Variants in GPC6 observed in about 807,000 individuals in gnomAD.
The protein encoded by GPC6 is glypican-6.
GPC6 carries 14 observed loss-of-function variants against 55.2 expected under a neutral mutation model. That is an observed-to-expected ratio of 0.25 (90% CI 0.17 to 0.40). The LOEUF (loss-of-function observed/expected upper bound fraction) is 0.40. Ranked by LOEUF, GPC6 falls within the 10% of genes least tolerant of loss-of-function variation. GPC6 has a pLI of 1.00. For missense variants in GPC6, 641 were observed against 708.5 expected (o/e 0.90, Z 1.08); for synonymous variants, 278 against 259.6 (o/e 1.07, Z -0.68).
intron 4 of GPC6, among the ~76,000 whole-genome samples, chr13:94,270,147 T>C (rs528764515): frequency 6.6e-6 from 1 of 152,356 alleles, no homozygotes; most frequent in South Asian, 2.1e-4. Flanking sequence ...ATGAGAATTC[T>C]ATACCTAAGT....
chr13:93,348,425 T>G (rs1302239576), intron 1 of GPC6, among the ~76,000 whole-genome samples: 2 of 152,234 alleles, frequency 1.3e-5, no homozygotes, highest in Admixed American at 1.3e-4. Flanking sequence ...ACATTGCATT[T>G]TTCAGTCTTT....
chr13:94,000,697 GTTA>G (rs1881757794), intron 3 of GPC6, among the ~76,000 whole-genome samples: 1 of 152,124 alleles, frequency 6.6e-6, no homozygotes, highest in African/African-American at 2.4e-5. Context: ...CATGAATTCA[GTTA>G]TTATAAAAAA....
At chr13:94,389,617 T>C (rs1880558797) in intron 7 of GPC6, among the ~76,000 whole-genome samples, 2 of 152,102 alleles carry the variant, frequency 1.3e-5, no homozygotes, top group African/African-American at 2.4e-5. Flanking sequence ...ACGCAGACCC[T>C]TTTTCCAAAC....
intron 2 of GPC6, among the ~76,000 whole-genome samples, chr13:93,785,507 G>A (rs532665476): frequency 1.9e-4 from 29 of 152,236 alleles, no homozygotes; most frequent in African/African-American, 6.7e-4. Context: ...CAGATGGTAC[G>A]TAGATCACGA....
chr13:94,367,159 T>C (rs1879321939), intron 6 of GPC6, among the ~76,000 whole-genome samples: 1 of 152,244 alleles, frequency 6.6e-6, no homozygotes. Context: ...AGCGTTGGAC[T>C]GACTGTGAGA....
At chr13:93,743,715 A>G (rs562962171) in intron 2 of GPC6, among the ~76,000 whole-genome samples, 5 of 152,086 alleles carry the variant, frequency 3.3e-5, no homozygotes, top group Admixed American at 6.5e-5. Flanking sequence ...TTCCTTTCTA[A>G]CAGATCTTAA....
rs1001889123 is a variant in GPC6, at chr13:94,252,518, G to A, written c.878-33831G>A. ...AAACTAATAGGAAGCTGTGTATGTC[G>A]GATAATGGCGATTTCAATGCTGAAA... On this transcript the variant is annotated intron_variant, in intron 4 of 8. Transcript: ENST00000377047. Among the ~76,000 whole-genome samples the A allele has an allele frequency of 1.1e-4, 16 of 151,932 alleles. No individual in the cohort carries two copies. In the East Asian group the frequency reaches 1.4e-3, roughly 13 times the overall value.
At chr13:93,708,416 T>C (rs1017999510) in intron 2 of GPC6, among the ~76,000 whole-genome samples, 1 of 151,858 alleles carries the variant, frequency 6.6e-6, no homozygotes, top group African/African-American at 2.4e-5. Context: ...TAGCAAATAC[T>C]ACAAATGTCT....
chr13:94,039,062 G>A (rs1229840334), intron 4 of GPC6, among the ~76,000 whole-genome samples: 1 of 151,924 alleles, frequency 6.6e-6, no homozygotes, highest in Non-Finnish European at 1.5e-5. Flanking sequence ...TGACACCAGG[G>A]GGGGAAAAAC....
chr13:94,258,817 T>C (rs1891575533), intron 4 of GPC6, among the ~76,000 whole-genome samples: 2 of 152,202 alleles, frequency 1.3e-5, no homozygotes, highest in Non-Finnish European at 1.5e-5. Flanking sequence ...CACAATGTCA[T>C]GGAAGACTCA....
chr13:93,987,285 T>G (rs1881074457), intron 3 of GPC6, among the ~76,000 whole-genome samples: 1 of 152,216 alleles, frequency 6.6e-6, no homozygotes, highest in South Asian at 2.1e-4. Context: ...CAATTATGCA[T>G]CCATGCATTC....
chr13:93,789,043 T>C (rs1320915131), intron 2 of GPC6, among the ~76,000 whole-genome samples: 1 of 152,028 alleles, frequency 6.6e-6, no homozygotes, highest in Non-Finnish European at 1.5e-5. Flanking sequence ...GCATTTCTAG[T>C]GGATTGGATG....
intron 2 of GPC6, among the ~76,000 whole-genome samples, chr13:93,556,344 T>G (rs1875463668): frequency 6.7e-6 from 1 of 149,366 alleles, no homozygotes; most frequent in Non-Finnish European, 1.5e-5. Flanking sequence ...CTTATTTTAT[T>G]TTTTTATTTT....
chr13:93,277,826 A>G (rs1877808602), intron 1 of GPC6, among the ~76,000 whole-genome samples: 1 of 152,204 alleles, frequency 6.6e-6, no homozygotes, highest in South Asian at 2.1e-4. Flanking sequence ...AGCTTTTTGA[A>G]TAAATGATGG....
intron 1 of GPC6, among the ~76,000 whole-genome samples, chr13:93,306,557 G>T (rs551808543): frequency 6.6e-6 from 1 of 151,982 alleles, no homozygotes; most frequent in East Asian, 1.9e-4. Flanking sequence ...AACAAATTTA[G>T]TACTTTACCA....
At chr13:93,893,765 C>T (rs1026598525) in intron 3 of GPC6, among the ~76,000 whole-genome samples, 6 of 152,186 alleles carry the variant, frequency 3.9e-5, no homozygotes, top group African/African-American at 1.4e-4. Flanking sequence ...TTTAATTTCC[C>T]TATTGAGATT....
chr13:93,395,268 CAG>C, intron 1 of GPC6: 1 of 478,682 alleles, frequency 2.1e-6, no homozygotes, highest in Non-Finnish European at 4.0e-6. Flanking sequence ...CTAAAGTTTC[CAG>C]AACCACTTTG....
intron 1 of GPC6, among the ~76,000 whole-genome samples, chr13:93,416,581 C>T (rs1208976268): frequency 6.6e-6 from 1 of 152,028 alleles, no homozygotes; most frequent in Non-Finnish European, 1.5e-5. Context: ...TTAAAATGTG[C>T]AATTAAATTA....
chr13:93,955,279 A>T (rs1879459538), intron 3 of GPC6, among the ~76,000 whole-genome samples: 1 of 149,292 alleles, frequency 6.7e-6, no homozygotes. Context: ...ACACACACAC[A>T]CACACACACC....
Sources: gnomAD v4.1 joint callset for allele counts (sites outside exome capture counted in the v4.1 genomes callset) on GRCh38, gnomAD v4.1.1 for gene constraint, MANE v1.5 for transcripts, NCBI Gene and HGNC (gene_info 2026-07-23, HGNC 2026-07-21) for gene names.